Variants in AGBL1 observed in about 807,000 individuals in gnomAD.
The protein encoded by AGBL1 is cytosolic carboxypeptidase 4.
In AGBL1, 130 loss-of-function variants were observed where a neutral mutation model predicts 118.9. The ratio of observed to expected loss-of-function variants is 1.09; its 90% confidence interval spans 0.95 to 1.26. AGBL1 has a LOEUF of 1.26. AGBL1 is among the 50% of genes most tolerant of loss of function. The probability of loss-of-function intolerance (pLI) is 0.00; values close to 1 mark genes in which losing one functional copy is unlikely to be tolerated. For synonymous variants in AGBL1, 555 were observed against 478.9 expected (o/e 1.16, Z -2.08); for missense variants, 1,584 against 1,298.1 (o/e 1.22, Z -3.38).
At chr15:86,696,355 C>G (rs1218163959) in intron 22 of AGBL1, among the ~76,000 whole-genome samples, 1 of 151,890 alleles carries the variant, frequency 6.6e-6, no homozygotes, top group Non-Finnish European at 1.5e-5. Flanking sequence ...TCTTTTTAAA[C>G]TGCTGTTGCT....
intron 17 of AGBL1, among the ~76,000 whole-genome samples, chr15:86,370,855 G>A (rs2080961182): frequency 6.6e-6 from 1 of 152,204 alleles, no homozygotes; most frequent in Non-Finnish European, 1.5e-5. Flanking sequence ...CATAGTAGGT[G>A]TGCAGTAAGT....
In AGBL1 at chr15:86,710,013, G is replaced by C. The variant is rs147809423; in HGVS notation, c.3158+35577G>C. On this transcript the variant is annotated intron_variant, in intron 22 of 22. Coordinates refer to ENST00000614907, the MANE Select transcript of AGBL1 (RefSeq NM_001386094.1). ...CAAAGATGAGCAATATGCATAGCTG[G>C]TTCTAACACATGGCCAAAATGCTAG... 3.4e-3 allele frequency among the ~76,000 whole-genome samples: 519 copies of C among 152,262 alleles called. 3 individuals are homozygous for C. The highest frequency in any genetic ancestry group is 0.012 in the African/African-American group (490 of 41,572).
intron 5 of AGBL1, among the ~76,000 whole-genome samples, chr15:86,177,919 G>T (rs561029737): frequency 8.6e-5 from 13 of 152,036 alleles, no homozygotes; most frequent in African/African-American, 3.1e-4. Context: ...TAAAATGAAG[G>T]AAATAAGAAA....
chr15:86,199,270 C>G (rs911375485), intron 5 of AGBL1, among the ~76,000 whole-genome samples: 1 of 152,022 alleles, frequency 6.6e-6, no homozygotes, highest in Non-Finnish European at 1.5e-5. Flanking sequence ...GAGAATGTTG[C>G]GTGAAGTGGT....
Position 86,610,632 on chromosome 15 carries a change from A to AT in AGBL1, c.2994+56096dup, listed in dbSNP as rs2084642700. On this transcript the variant is annotated intron_variant, in intron 21 of 22. Coordinates refer to ENST00000614907, the MANE Select transcript of AGBL1 (RefSeq NM_001386094.1). Reference sequence around the variant, plus strand: ...ACCAAATCCAAATTATTTCCCGCAAATCTATGGGGAAGAATAAAAGGAATG... The same window carrying AT: ...ACCAAATCCAAATTATTTCCCGCAAATTCTATGGGGAAGAATAAAAGGAATG... Among the ~76,000 whole-genome samples the AT allele has an allele frequency of 2.0e-5, 3 of 152,296 alleles. No homozygotes were observed. In the South Asian group the frequency reaches 6.2e-4, roughly 32 times the overall value.
At position 86,948,743 on chromosome 15, in the gene AGBL1, T is replaced by C. The variant is rs895805113; in HGVS notation, c.3222-39244T>C. On this transcript the variant is annotated intron_variant, in intron 23 of 24. Transcript: ENST00000441037. The stretch of plus-strand genomic sequence containing the variant: ...AAAAACTGCAATGAGCAGAGTGCCA[T>C]TGATATATCTAAAATAAACATGTAG... 7.9e-5 allele frequency among the ~76,000 whole-genome samples: 12 copies of C among 152,236 alleles called. No individual in the cohort carries two copies. In the South Asian group the frequency reaches 1.9e-3, roughly 24 times the overall value.
At chr15:86,093,436 G>A (rs762343523) in intron 1 of AGBL1, among the ~76,000 whole-genome samples, 2 of 152,144 alleles carry the variant, frequency 1.3e-5, no homozygotes, top group East Asian at 1.9e-4. Flanking sequence ...ATACATGATG[G>A]AATTAGATCC....
At chr15:86,227,016 G>T (rs550196756) in intron 6 of AGBL1, among the ~76,000 whole-genome samples, 2 of 152,196 alleles carry the variant, frequency 1.3e-5, no homozygotes, top group African/African-American at 4.8e-5. Flanking sequence ...AATTTTTTTT[G>T]TTGTTGTTTT....
intron 16 of AGBL1, 141 bp downstream of exon 16, chr15:86,279,924 G>T: frequency 8.8e-7 from 1 of 1,131,758 alleles, no homozygotes; most frequent in Non-Finnish European, 1.3e-6. Flanking sequence ...AAAGGAGCCA[G>T]GTTTTGTTGT....
chr15:86,470,799 A>T (rs1453724559), intron 18 of AGBL1, among the ~76,000 whole-genome samples: 1 of 151,632 alleles, frequency 6.6e-6, no homozygotes, highest in African/African-American at 2.4e-5. Flanking sequence ...TGTAAATGGG[A>T]TTGTTTGATT....
chr15:86,698,330 G>A (rs567489931), intron 22 of AGBL1, among the ~76,000 whole-genome samples: 40 of 152,026 alleles, frequency 2.6e-4, no homozygotes, highest in African/African-American at 8.4e-4. Context: ...TTGGTTCTTC[G>A]AAATATCCCC....
At position 86,909,841 on chromosome 15, in the gene AGBL1, C is replaced by T. The variant is rs2080325963; in HGVS notation, c.*2547C>T. 6.6e-6 allele frequency: 1 copy of T among 152,144 alleles called. No individual in the cohort carries two copies. The highest frequency in any genetic ancestry group is 1.5e-5 in the Non-Finnish European group (1 of 68,030). 9.4% of individuals were successfully genotyped at this position (152,144 alleles called of 1,614,324 possible). A position where few individuals can be genotyped will look rare whatever the true frequency, so the allele number is the denominator to read the frequency against. ...TTAGTTTTGGGGGTTAGCTTCTGGT[C>T]ATGAGGCATGTTTCTTAAAAAACGT... On this transcript the variant is annotated 3_prime_UTR_variant, in exon 23 of 23. Coordinates refer to ENST00000614907, the MANE Select transcript of AGBL1 (RefSeq NM_001386094.1).
chr15:86,430,430 G>A (rs1163812057), intron 18 of AGBL1, among the ~76,000 whole-genome samples: 2 of 151,370 alleles, frequency 1.3e-5, no homozygotes, highest in Non-Finnish European at 2.9e-5. Flanking sequence ...AGGAGGTGGA[G>A]CTTGCAGTGA....
At chr15:86,306,226 C>G (rs1287620111) in intron 17 of AGBL1, among the ~76,000 whole-genome samples, 2 of 152,018 alleles carry the variant, frequency 1.3e-5, no homozygotes, top group Non-Finnish European at 2.9e-5. Context: ...TGACTATAGT[C>G]ACCCCATTGG....
chr15:86,263,035 G>A lies in AGBL1; in HGVS notation c.1086+141G>A, dbSNP rs544264393. On this transcript the variant is annotated intron_variant, in intron 10 of 22. Coordinates refer to ENST00000614907, the MANE Select transcript of AGBL1 (RefSeq NM_001386094.1). ...CTTCTGGGCTCTTCCTTAGAGAAAA[G>A]CAGAATGCTAAACAAAAGTGGGAAA... 19 of 667,610 alleles carry A rather than the reference G, an allele frequency of 2.8e-5. No homozygotes were observed. In the East Asian group the frequency reaches 5.0e-4, roughly 17 times the overall value. The allele number at this position is 667,610 out of a possible 1,614,324, so 41.4% of individuals were successfully genotyped here.
At chr15:86,602,512 CAGTT>C (rs1312838944) in intron 21 of AGBL1, among the ~76,000 whole-genome samples, 1 of 152,104 alleles carries the variant, frequency 6.6e-6, no homozygotes, top group Non-Finnish European at 1.5e-5. Flanking sequence ...GGTATGCTGT[CAGTT>C]AGTTAGGGCT....
At chr15:86,149,728 G>A (rs946920587) in intron 3 of AGBL1, among the ~76,000 whole-genome samples, 8 of 151,974 alleles carry the variant, frequency 5.3e-5, no homozygotes, top group Non-Finnish European at 7.4e-5. Context: ...TGAGACAGAA[G>A]GTTAACAAAG....
chr15:86,692,291 C>G (rs2575869), intron 22 of AGBL1, among the ~76,000 whole-genome samples: 81,979 of 151,832 alleles, frequency 0.54, 22,749 homozygotes, highest in Non-Finnish European at 0.6. Context: ...ATGGCAAAGG[C>G]GTAATTGAGG....
chr15:86,080,158 G>C, intron 1 of AGBL1, 135 bp downstream of exon 1: 1 of 566,120 alleles, frequency 1.8e-6, no homozygotes, highest in Non-Finnish European at 2.6e-6. Context: ...ACAGGAGTCG[G>C]CTCTCACCTT....
Sources: gnomAD v4.1 joint callset for allele counts (sites outside exome capture counted in the v4.1 genomes callset) on GRCh38, gnomAD v4.1.1 for gene constraint, MANE v1.5 for transcripts, NCBI Gene and HGNC (gene_info 2026-07-23, HGNC 2026-07-21) for gene names.